SNAP91: variants seen among roughly 807,000 people sequenced by gnomAD.
The protein encoded by SNAP91 is clathrin coat assembly protein AP180.
In SNAP91, 27 loss-of-function variants were observed where a neutral mutation model predicts 100.3. That is an observed-to-expected ratio of 0.27 (90% CI 0.20 to 0.37). SNAP91 has a LOEUF of 0.37. Among genes scored for constraint, SNAP91 ranks in the 10% least tolerant of loss-of-function variants. The pLI is 1.00. For missense variants in SNAP91, 986 were observed against 1,123.7 expected (o/e 0.88, Z 1.75); for synonymous variants, 404 against 398.6 (o/e 1.01, Z -0.16).
chr6:83,658,164 T>A (rs547426071), intron 6 of SNAP91, among the ~76,000 whole-genome samples: 1 of 152,140 alleles, frequency 6.6e-6, no homozygotes, highest in African/African-American at 2.4e-5. Flanking sequence ...AAAGCTCCCA[T>A]ATACCATTTA....
At chr6:83,568,261 C>T (rs1176403833) in intron 26 of SNAP91, among the ~76,000 whole-genome samples, 4 of 151,896 alleles carry the variant, frequency 2.6e-5, no homozygotes, top group East Asian at 1.9e-4. Context: ...AACCAAACAC[C>T]GCATGTTCTC....
intron 24 of SNAP91, among the ~76,000 whole-genome samples, chr6:83,576,757 C>T (rs1039166272): frequency 5.3e-5 from 8 of 152,200 alleles, no homozygotes; most frequent in South Asian, 2.1e-4. Flanking sequence ...GTGAGTACAA[C>T]GATGTGCTGA....
At chr6:83,632,460 C>T (rs2128481548) in intron 8 of SNAP91, among the ~76,000 whole-genome samples, 1 of 152,260 alleles carries the variant, frequency 6.6e-6, no homozygotes, top group East Asian at 1.9e-4. Flanking sequence ...GGAAATTTTC[C>T]TCAATTATTC....
Position 83,582,360 on chromosome 6 carries a change from A to G in SNAP91, c.2015-4T>C, listed in dbSNP as rs1582222496. ...GCCATGAAAGAACCCCCAAATCCTGAAAAAAAGTTCCAAAAAAACAAGCAG... is the reference window on the plus strand; with the variant it reads ...GCCATGAAAGAACCCCCAAATCCTGGAAAAAAGTTCCAAAAAAACAAGCAG... On this transcript the variant is annotated splice_polypyrimidine_tract_variant and splice_region_variant and intron_variant, in intron 22 of 29. Coordinates refer to ENST00000369694, the MANE Select transcript of SNAP91 (RefSeq NM_001242792.2). 4.4e-6 allele frequency: 7 copies of G among 1,608,862 alleles called. No individual in the cohort carries two copies. The highest frequency in any genetic ancestry group is 5.9e-6 in the Non-Finnish European group (7 of 1,177,550).
chr6:83,647,689 TATATA>T (rs545101513), intron 7 of SNAP91, among the ~76,000 whole-genome samples: 6 of 152,192 alleles, frequency 3.9e-5, no homozygotes, highest in East Asian at 3.8e-4. Flanking sequence ...ATGTTATTTA[TATATA>T]ATATATTACA....
intron 7 of SNAP91, among the ~76,000 whole-genome samples, chr6:83,644,420 G>C (rs1585312919): frequency 6.6e-6 from 1 of 152,176 alleles, no homozygotes; most frequent in East Asian, 1.9e-4. Context: ...GACCAGTGCA[G>C]GGCCTAAAAA....
intron 7 of SNAP91, 82 bp downstream of exon 7, chr6:83,656,672 A>AAGTAT: frequency 2.0e-6 from 1 of 509,410 alleles, no homozygotes; most frequent in South Asian, 3.1e-5. Flanking sequence ...CCACCAAGTG[A>AAGTAT]GACAACAGAC....
intron 7 of SNAP91, among the ~76,000 whole-genome samples, chr6:83,643,029 A>G (rs2128568292): frequency 6.6e-6 from 1 of 151,510 alleles, no homozygotes; most frequent in East Asian, 1.9e-4. Flanking sequence ...CCACTTTTTG[A>G]TGGTGTTTTT....
chr6:83,580,955 C>G (rs567599176), intron 23 of SNAP91, among the ~76,000 whole-genome samples: 1 of 152,248 alleles, frequency 6.6e-6, no homozygotes, highest in Admixed American at 6.5e-5. Flanking sequence ...GAGAGTATGA[C>G]CAATACATGG....
intron 7 of SNAP91, among the ~76,000 whole-genome samples, chr6:83,644,349 C>T (rs1423685475): frequency 6.6e-6 from 1 of 152,096 alleles, no homozygotes; most frequent in African/African-American, 2.4e-5. Flanking sequence ...AGCATTGACA[C>T]AGAAAGGCAA....
At chr6:83,644,770 A>G (rs2097850799) in intron 7 of SNAP91, among the ~76,000 whole-genome samples, 1 of 152,218 alleles carries the variant, frequency 6.6e-6, no homozygotes, top group African/African-American at 2.4e-5. Context: ...GTGAAGATTT[A>G]TAGCACCAAT....
Position 83,582,213 on chromosome 6 carries a change from C to G in SNAP91, c.2149+9G>C. 6.2e-7 allele frequency: 1 copy of G among 1,613,236 alleles called. No individual in the cohort carries two copies. Among genetic ancestry groups the G allele is most frequent in the Non-Finnish European group, 8.5e-7 (1 of 1,179,532 alleles). ...ACATGAAAAGAATGTTTGAAAGTCA[C>G]TGCCTCACCTGATGGATCAAAGGAG... On this transcript the variant is annotated intron_variant, in intron 23 of 29. Transcript: ENST00000369694.
At chr6:83,646,349 A>C (rs2097916675) in intron 7 of SNAP91, among the ~76,000 whole-genome samples, 1 of 152,114 alleles carries the variant, frequency 6.6e-6, no homozygotes, top group South Asian at 2.1e-4. Context: ...GGATGTTTAT[A>C]GTTTTGCATT....
chr6:83,637,769 ATCT>A (rs1195468963), intron 8 of SNAP91, among the ~76,000 whole-genome samples: 2 of 152,166 alleles, frequency 1.3e-5, no homozygotes, highest in Non-Finnish European at 2.9e-5. Context: ...CTAAGTCACA[ATCT>A]TCTTTTTGTT....
intron 16 of SNAP91, among the ~76,000 whole-genome samples, chr6:83,596,387 T>C (rs1474865219): frequency 1.3e-5 from 2 of 152,124 alleles, no homozygotes; most frequent in Admixed American, 1.3e-4. Context: ...GGCAGAAGAA[T>C]GTAAGAGAAG....
chr6:83,686,282 G>T, intron 2 of SNAP91: 1 of 716,438 alleles, frequency 1.4e-6, no homozygotes. Flanking sequence ...ACTCAGTTAA[G>T]CACTATTTTG....
chr6:83,661,666 T>C (rs922527057), intron 4 of SNAP91, 62 bp from the exon 5 acceptor site: 21 of 914,848 alleles, frequency 2.3e-5, no homozygotes, highest in Non-Finnish European at 3.5e-5. Context: ...GTGCTTTGCA[T>C]AGTACTATTT....
intron 26 of SNAP91, among the ~76,000 whole-genome samples, chr6:83,572,498 T>A (rs555884516): frequency 6.6e-6 from 1 of 152,248 alleles, no homozygotes; most frequent in South Asian, 2.1e-4. Flanking sequence ...GTGATCCGCC[T>A]GCCTTGGCCT....
At chr6:83,701,073 GTC>G (rs1436305677) in intron 2 of SNAP91, among the ~76,000 whole-genome samples, 5 of 152,172 alleles carry the variant, frequency 3.3e-5, no homozygotes, top group Non-Finnish European at 7.4e-5. Flanking sequence ...GTACAGTTGT[GTC>G]TGTTTTCTTT....
Sources: allele counts gnomAD v4.1 joint callset (sites outside exome capture counted in the v4.1 genomes callset), GRCh38; gene constraint gnomAD v4.1.1; transcripts MANE v1.5; gene names NCBI Gene and HGNC (gene_info 2026-07-23, HGNC 2026-07-21).